The following TAAR5 variants were observed in gnomAD, a reference collection of about 807,000 sequenced individuals.
The protein encoded by TAAR5 is trace amine associated receptor 5.
In TAAR5, 27 loss-of-function variants were observed where a neutral mutation model predicts 21.1. The ratio of observed to expected loss-of-function variants is 1.28; its 90% CI spans 0.94 to 1.76. TAAR5 has a LOEUF of 1.76. Ranked by LOEUF, TAAR5 falls within the 40% of genes most tolerant of loss-of-function variation. TAAR5 has a pLI of 0.00. For synonymous variants in TAAR5, 203 were observed against 167.5 expected (o/e 1.21, Z -1.64); for missense variants, 495 against 405.6 (o/e 1.22, Z -1.89).
the TAAR5 span, among the ~76,000 whole-genome samples, chr6:132,599,270 A>C: frequency 1.3e-5 from 2 of 150,008 alleles, no homozygotes; most frequent in African/African-American, 4.9e-5. Flanking sequence ...AACACCACAC[A>C]GTTGTTTTAC....
chr6:132,595,768 A>G, the TAAR5 span, among the ~76,000 whole-genome samples: 33 of 152,192 alleles, frequency 2.2e-4, no homozygotes, highest in Non-Finnish European at 8.8e-5. Flanking sequence ...CCGTAGGCAG[A>G]TTGAGTTTTT....
At chr6:132,609,927 C>T in the TAAR5 span, among the ~76,000 whole-genome samples, 3 of 152,154 alleles carry the variant, frequency 2.0e-5, no homozygotes, top group Admixed American at 6.6e-5. Context: ...TCTCTGTTTG[C>T]TACTCTCTTC....
chr6:132,592,761 G>T (rs1048238955), upstream of TAAR5, among the ~76,000 whole-genome samples: 2 of 152,070 alleles, frequency 1.3e-5, no homozygotes, highest in Admixed American at 6.5e-5. Flanking sequence ...GGCCTCCCCA[G>T]CCATTCTTCC....
the TAAR5 span, among the ~76,000 whole-genome samples, chr6:132,605,304 G>A: frequency 6.6e-6 from 1 of 152,222 alleles, no homozygotes; most frequent in South Asian, 2.1e-4. Flanking sequence ...GGGTGGAAGG[G>A]AAGGCATGTT....
chr6:132,613,068 A>C, the TAAR5 span, among the ~76,000 whole-genome samples: 1 of 152,204 alleles, frequency 6.6e-6, no homozygotes, highest in East Asian at 1.9e-4. Context: ...TATACACATA[A>C]GGGAAAATTC....
At chr6:132,606,261 G>A in the TAAR5 span, among the ~76,000 whole-genome samples, 1 of 152,090 alleles carries the variant, frequency 6.6e-6, no homozygotes, top group African/African-American at 2.4e-5. Flanking sequence ...TAAAATTAAA[G>A]TTTAAATAAA....
At chr6:132,591,871 T>C (rs1776912129), upstream of TAAR5, among the ~76,000 whole-genome samples, 2 of 152,230 alleles carry the variant, frequency 1.3e-5, no homozygotes, top group Admixed American at 1.3e-4. Flanking sequence ...CATCTATTAA[T>C]TGAATATAAT....
At chr6:132,615,583 C>T in the TAAR5 span, among the ~76,000 whole-genome samples, 4 of 151,810 alleles carry the variant, frequency 2.6e-5, no homozygotes, top group Non-Finnish European at 4.4e-5. Flanking sequence ...ACAAAATTCT[C>T]GGTGTTGAGG....
chr6:132,588,814 G>A lies in TAAR5; in HGVS notation c.873C>T (p.Ile291=). ...AGGCTGAGTTGAAGTAAGCAAACCAGATAAAGATGTCAAAGACCAGTGGGG... is the reference window on the plus strand; with the variant it reads ...AGGCTGAGTTGAAGTAAGCAAACCAAATAAAGATGTCAAAGACCAGTGGGG... ...ITPPLVFDIF[I]WFAYFNSACN... is the part of the protein sequence containing the mutation. Residue 291 remains isoleucine, a synonymous_variant, in exon 1 of 1, where the codon ATC becomes ATT. Coordinates refer to ENST00000258034, the MANE Select transcript of TAAR5 (RefSeq NM_003967.3). The A allele has an allele frequency of 1.2e-6, 2 of 1,614,142 alleles. No homozygotes were observed. Among genetic ancestry groups the A allele is most frequent in the Non-Finnish European group, 8.5e-7 (1 of 1,180,020 alleles).
chr6:132,603,694 G>T, the TAAR5 span, among the ~76,000 whole-genome samples: 514 of 152,098 alleles, frequency 3.4e-3, 1 homozygote, highest in African/African-American at 0.01. Context: ...AAGTGGAAAG[G>T]CACAAGAGAA....
At chr6:132,599,619 G>A in the TAAR5 span, among the ~76,000 whole-genome samples, 10 of 152,138 alleles carry the variant, frequency 6.6e-5, no homozygotes, top group South Asian at 4.1e-4. Flanking sequence ...ATGAGCCACC[G>A]CTCCCAGCCC....
rs1386458034 is a variant in TAAR5 at position 132,588,871 on chromosome 6, C to T, written c.816G>A (p.Thr272=). ...LLCWLPFTID[T]MVDSLLHFIT... is the part of the protein sequence containing the mutation. ...TAAAGTGAAGGAGGCTGTCGACCAT[C>T]GTGTCTATGGTGAAGGGCAGCCAGC... is the stretch of plus-strand genomic sequence containing the variant. Residue 272 remains threonine (T), a synonymous_variant, in exon 1 of 1, where the codon ACG becomes ACA. Coordinates refer to ENST00000258034, the MANE Select transcript of TAAR5 (RefSeq NM_003967.3). The T allele has an allele frequency of 5.3e-5, 86 of 1,613,948 alleles. No homozygotes were observed. The highest frequency in any genetic ancestry group is 6.8e-5 in the Non-Finnish European group (80 of 1,180,000).
rs775816647 is a variant in TAAR5 at position 132,588,911 on chromosome 6, C to A, written c.776G>T (p.Gly259Val). 5.6e-6 allele frequency: 9 copies of A among 1,614,082 alleles called. No homozygotes were observed. The African/African-American group carries it at 9.3e-5, about 17-fold the overall frequency. Reference protein sequence around the residue: ...KAAKTLGIAVGIYLLCWLPFT... With the variant: ...KAAKTLGIAVVIYLLCWLPFT... ...GGGCAGCCAGCACAAGAGGTATATG[C>A]CCACAGCAATGCCCAGGGTCTTGGC... Residue 259 changes from glycine (G) to valine (V), a missense_variant, in exon 1 of 1, where the codon GGC (glycine) becomes GTC (valine). Coordinates refer to ENST00000258034, the MANE Select transcript of TAAR5 (RefSeq NM_003967.3).
the TAAR5 span, among the ~76,000 whole-genome samples, chr6:132,603,147 A>G: frequency 1.3e-5 from 2 of 151,916 alleles, no homozygotes; most frequent in Admixed American, 6.6e-5. Context: ...GACTAAAAGT[A>G]AAAAATTGGC....
chr6:132,615,337 TTC>T, the TAAR5 span, among the ~76,000 whole-genome samples: 1 of 152,200 alleles, frequency 6.6e-6, no homozygotes, highest in Admixed American at 6.5e-5. Context: ...CATAAAATGT[TTC>T]TGTTTACACT....
the TAAR5 span, among the ~76,000 whole-genome samples, chr6:132,598,541 C>T: frequency 6.6e-6 from 1 of 152,152 alleles, no homozygotes; most frequent in African/African-American, 2.4e-5. Flanking sequence ...GTTGTCTGCC[C>T]TGCTCACACT....
chr6:132,600,964 G>C, the TAAR5 span, among the ~76,000 whole-genome samples: 1 of 130,042 alleles, frequency 7.7e-6, no homozygotes, highest in African/African-American at 2.9e-5. Context: ...AAGGAGGGAA[G>C]GAGGGAAGGA....
Position 132,589,283 on chromosome 6 carries a change from G to A in TAAR5, c.404C>T (p.Ala135Val), listed in dbSNP as rs767564891. 3 of 1,612,136 alleles carry A rather than the reference G, an allele frequency of 1.9e-6. No homozygotes were observed. Among genetic ancestry groups the A allele is most frequent in the Non-Finnish European group, 2.5e-6 (3 of 1,179,026 alleles). The change falls in exon 1 of 1, where the codon GCC (alanine) becomes GTC (valine). Residue 135 changes from alanine (A) to valine (V), a missense_variant. Ala to Val is a moderately conservative substitution (Grantham distance 64). Transcript: ENST00000258034. ...GGGATAGAGCAGGGGGTCACAGATG[G>A]CACAGTGGCGGTCAATGGAAATGAA... ...LCFISIDRHCAICDPLLYPSK... is the reference protein window; with the variant it reads ...LCFISIDRHCVICDPLLYPSK...
chr6:132,601,397 G>A, the TAAR5 span, among the ~76,000 whole-genome samples: 10 of 152,202 alleles, frequency 6.6e-5, no homozygotes, highest in Admixed American at 4.6e-4. Context: ...AATGCAGATA[G>A]CTAGAGGACA....
Sources: allele counts gnomAD v4.1 joint callset (sites outside exome capture counted in the v4.1 genomes callset), GRCh38; gene constraint gnomAD v4.1.1; transcripts MANE v1.5; gene names NCBI Gene and HGNC (gene_info 2026-07-23, HGNC 2026-07-21).